The following DCDC1 variants were observed in gnomAD, a reference collection of about 807,000 sequenced individuals.
The protein encoded by DCDC1 is doublecortin domain containing 1.
Under a neutral mutation model 178.3 loss-of-function variants are expected in DCDC1, and 200 were observed. The ratio of observed to expected loss-of-function variants is 1.12; its 90% confidence interval spans 1.00 to 1.26. The LOEUF (loss-of-function observed/expected upper bound fraction) is 1.26, where lower values mean the gene tolerates loss of function less well. Ranked by LOEUF, DCDC1 falls within the 50% of genes most tolerant of loss-of-function variation. DCDC1 has a pLI of 0.00. For synonymous variants in DCDC1, 690 were observed against 604.8 expected (o/e 1.14, Z -2.07); for missense variants, 1,983 against 1,749.2 (o/e 1.13, Z -2.38).
At chr11:31,221,493 G>A in intron 9 of DCDC1, among the ~76,000 whole-genome samples, 1 of 152,200 alleles carries the variant, frequency 6.6e-6, no homozygotes, top group Non-Finnish European at 1.5e-5. Flanking sequence ...TGGGGTGGTA[G>A]TGACCTTCCC....
At chr11:31,299,897 C>T (rs1184649071) in intron 6 of DCDC1, among the ~76,000 whole-genome samples, 6 of 152,154 alleles carry the variant, frequency 3.9e-5, no homozygotes, top group Admixed American at 2.6e-4. Context: ...CTCGCTCTGT[C>T]GCCAAGCTGG....
At chr11:31,154,195 C>T (rs1032758603) in intron 9 of DCDC1, among the ~76,000 whole-genome samples, 20 of 152,168 alleles carry the variant, frequency 1.3e-4, no homozygotes, top group African/African-American at 4.8e-4. Context: ...TGAGGCCTCC[C>T]TGGCCATGCT....
intron 20 of DCDC1, among the ~76,000 whole-genome samples, chr11:30,971,252 G>A (rs1438884650): frequency 6.6e-6 from 1 of 151,906 alleles, no homozygotes; most frequent in Non-Finnish European, 1.5e-5. Flanking sequence ...ACAAAAAAAA[G>A]AACAATCAAG....
intron 10 of DCDC1, among the ~76,000 whole-genome samples, chr11:31,129,225 C>T (rs1258132871): frequency 6.6e-6 from 1 of 151,990 alleles, no homozygotes; most frequent in African/African-American, 2.4e-5. Flanking sequence ...TATATGTATA[C>T]ATATAAATTT....
At chr11:31,367,938 G>T (rs537099675) in intron 1 of DCDC1, among the ~76,000 whole-genome samples, 1 of 152,226 alleles carries the variant, frequency 6.6e-6, no homozygotes, top group Admixed American at 6.5e-5. Context: ...AAAAAAACAA[G>T]GTTCTAGTGA....
chr11:31,260,930 A>G (rs972459028), intron 8 of DCDC1, among the ~76,000 whole-genome samples: 12 of 152,230 alleles, frequency 7.9e-5, no homozygotes, highest in African/African-American at 2.9e-4. Context: ...AAAGTGATAC[A>G]GAAGTTTGGT....
chr11:31,084,209 T>C (rs1163210280), intron 17 of DCDC1, among the ~76,000 whole-genome samples: 2 of 152,190 alleles, frequency 1.3e-5, no homozygotes, highest in Non-Finnish European at 2.9e-5. Context: ...TTGTGAGTTG[T>C]CAGGTTGCTA....
intron 11 of DCDC1, among the ~76,000 whole-genome samples, chr11:31,111,999 A>G (rs1013077755): frequency 3.3e-5 from 5 of 152,172 alleles, no homozygotes; most frequent in Non-Finnish European, 7.4e-5. Context: ...TACATCCAGA[A>G]AAGTGTTCTC....
intron 6 of DCDC1, among the ~76,000 whole-genome samples, chr11:31,303,904 C>T (rs1449046841): frequency 6.6e-6 from 1 of 152,098 alleles, no homozygotes; most frequent in Non-Finnish European, 1.5e-5. Context: ...AAAACCATTG[C>T]ACAACACCAG....
chr11:31,102,292 G>T lies in DCDC1; in HGVS notation c.1878-10C>A, dbSNP rs760889413. On this transcript the variant is annotated splice_polypyrimidine_tract_variant and intron_variant, in intron 14 of 38. Transcript: ENST00000684477. ...CTCACAAACTTCCCAACTAAGAAAA[G>T]TAAAATACGTAATTATTTTTATTAG... 3.0e-6 allele frequency: 2 copies of T among 662,312 alleles called. No individual in the cohort carries two copies. Among genetic ancestry groups the T allele is most frequent in the South Asian group, 3.3e-5 (2 of 59,784 alleles). The allele number at this position is 662,312 out of a possible 1,614,324, so 41.0% of individuals were successfully genotyped here. A position where few individuals can be genotyped will look rare whatever the true frequency, so the allele number is the denominator to read the frequency against.
chr11:31,005,154 T>G (rs1951769911), intron 20 of DCDC1, among the ~76,000 whole-genome samples: 2 of 152,216 alleles, frequency 1.3e-5, no homozygotes. Flanking sequence ...TGAAACACAA[T>G]GTTGTCCTCT....
chr11:31,087,780 A>C (rs953018716), intron 17 of DCDC1, among the ~76,000 whole-genome samples: 1 of 152,148 alleles, frequency 6.6e-6, no homozygotes, highest in African/African-American at 2.4e-5. Flanking sequence ...ATGTACTTTA[A>C]AAAATGCATC....
intron 36 of DCDC1, among the ~76,000 whole-genome samples, chr11:30,890,974 G>C (rs1312642128): frequency 1.3e-5 from 2 of 152,042 alleles, no homozygotes; most frequent in African/African-American, 4.8e-5. Flanking sequence ...TTGTTGCCTA[G>C]GTTCATTAAA....
intron 20 of DCDC1, among the ~76,000 whole-genome samples, chr11:31,022,833 AAT>A (rs1438790085): frequency 6.6e-6 from 1 of 151,960 alleles, no homozygotes; most frequent in Non-Finnish European, 1.5e-5. Context: ...AAAAGCAGGA[AAT>A]ATGTTTTCTC....
At chr11:31,356,796 A>C (rs1375110050) in intron 1 of DCDC1, among the ~76,000 whole-genome samples, 12 of 150,600 alleles carry the variant, frequency 8.0e-5, no homozygotes, top group Non-Finnish European at 1.8e-4. Flanking sequence ...CCATCAGAGA[A>C]TACTACAAAC....
At chr11:30,871,787 A>C (rs1165343103) in intron 38 of DCDC1, among the ~76,000 whole-genome samples, 1 of 152,088 alleles carries the variant, frequency 6.6e-6, no homozygotes, top group Non-Finnish European at 1.5e-5. Flanking sequence ...GTTCTGACTC[A>C]ATAACATTTC....
At chr11:31,363,893 G>T (rs992823725) in intron 1 of DCDC1, among the ~76,000 whole-genome samples, 2 of 152,138 alleles carry the variant, frequency 1.3e-5, no homozygotes, top group Admixed American at 6.6e-5. Context: ...ACAATTTTTT[G>T]ACTTTACATG....
chr11:30,976,562 C>G (rs967941640), intron 20 of DCDC1, among the ~76,000 whole-genome samples: 1 of 151,522 alleles, frequency 6.6e-6, no homozygotes, highest in Admixed American at 6.6e-5. Flanking sequence ...ATACAGATGG[C>G]CAACAGGCAT....
At chr11:31,083,796 G>A (rs1385976063) in intron 17 of DCDC1, among the ~76,000 whole-genome samples, 1 of 152,068 alleles carries the variant, frequency 6.6e-6, no homozygotes, top group Non-Finnish European at 1.5e-5. Context: ...ATCTTCCTCT[G>A]TGCGTGCATG....
Sources: allele counts gnomAD v4.1 joint callset (sites outside exome capture counted in the v4.1 genomes callset), GRCh38; gene constraint gnomAD v4.1.1; transcripts MANE v1.5; gene names NCBI Gene and HGNC (gene_info 2026-07-23, HGNC 2026-07-21).